CPLX1: variants seen among roughly 807,000 people sequenced by gnomAD.
CPLX1 encodes the protein complexin-1.
A neutral mutation model predicts 15.6 loss-of-function variants in CPLX1; 6 were observed. That is an observed-to-expected ratio of 0.39 (90% CI 0.21 to 0.76). CPLX1 has a LOEUF of 0.76. Ranked by LOEUF, CPLX1 falls within the 30% of genes least tolerant of loss-of-function variation. CPLX1 has a pLI of 0.43. For missense variants in CPLX1, 242 were observed against 188.6 expected, an observed-to-expected ratio of 1.28 and a Z score of -1.66; for synonymous variants, 91 against 75.2, an observed-to-expected ratio of 1.21 and a Z score of -1.08.
In CPLX1 at chr4:792,492, C is replaced by T; in HGVS notation, c.148G>A (p.Ala50Thr). ...ALRQAEEERK[A>T]KYAKMEAERE... ...TCCGCCTCCATCTTGGCGTACTTGG[C>T]CTTGCGCTCCTCCTCCGCCTGGCGC... Residue 50 changes from alanine (A) to threonine (T), a missense_variant, in exon 3 of 4, where the codon GCC becomes ACC. By Grantham distance (58) the Ala-to-Thr change is moderately conservative. Coordinates refer to ENST00000304062, the MANE Select transcript of CPLX1 (RefSeq NM_006651.4). The T allele has an allele frequency of 6.2e-7, 1 of 1,612,894 alleles. No homozygotes were observed. The highest frequency in any genetic ancestry group is 8.5e-7 in the Non-Finnish European group (1 of 1,179,680).
chr4:807,789 T>C (rs572891655), intron 2 of CPLX1, among the ~76,000 whole-genome samples: 1 of 152,196 alleles, frequency 6.6e-6, no homozygotes, highest in East Asian at 1.9e-4. Context: ...TGGCCTTAAA[T>C]TTTTTTTAAA....
intron 2 of CPLX1, among the ~76,000 whole-genome samples, chr4:817,219 G>A (rs960880373): frequency 5.4e-5 from 8 of 149,526 alleles, no homozygotes; most frequent in Non-Finnish European, 1.2e-4. Flanking sequence ...GTTAAGCAAG[G>A]CTCAGCAGGG....
intron 2 of CPLX1, among the ~76,000 whole-genome samples, chr4:795,484 C>T (rs1746306392): frequency 6.6e-6 from 1 of 152,214 alleles, no homozygotes; most frequent in African/African-American, 2.4e-5. Flanking sequence ...CCACGTGGTG[C>T]CTGAGGCTGG....
rs576468681 is a variant in CPLX1, at chr4:788,257, G to A, written c.208-1559C>T. 3.0e-6 allele frequency: 3 copies of A among 985,266 alleles called. No homozygotes were observed. The South Asian group carries it at 1.4e-4, about 46-fold the overall frequency. 61.0% of individuals were successfully genotyped at this position (985,266 alleles called of 1,614,324 possible). A position where few individuals can be genotyped will look rare whatever the true frequency, so the allele number is the denominator to read the frequency against. On this transcript the variant is annotated intron_variant, in intron 3 of 3. Transcript: ENST00000304062. ...CCCCTCCTTCCTCCCAAATGGAGGG[G>A]GGGCTGCCTGTGTGCTCCCCAACCC...
intron 2 of CPLX1, among the ~76,000 whole-genome samples, chr4:803,650 G>A (rs539624866): frequency 2.0e-5 from 3 of 152,100 alleles, no homozygotes; most frequent in South Asian, 4.1e-4. Context: ...CTCTCAAAGC[G>A]CTGGGATTAC....
chr4:804,093 C>T (rs1281878194), intron 2 of CPLX1, among the ~76,000 whole-genome samples: 1 of 152,260 alleles, frequency 6.6e-6, no homozygotes, highest in Non-Finnish European at 1.5e-5. Flanking sequence ...ACCACACGGC[C>T]TGGGCGTGCA....
chr4:814,627 T>C (rs1399382631), intron 2 of CPLX1, among the ~76,000 whole-genome samples: 2 of 152,244 alleles, frequency 1.3e-5, no homozygotes, highest in Non-Finnish European at 2.9e-5. Context: ...ACTTGTTTCC[T>C]ATTGCAGTGG....
intron 2 of CPLX1, among the ~76,000 whole-genome samples, chr4:823,384 C>T (rs6848761): frequency 0.97 from 147,151 of 152,268 alleles, 71,165 homozygotes; most frequent in East Asian, 1. Context: ...GCAGCTCCTG[C>T]CCTGGGGGAA....
At chr4:817,879 T>G (rs1239657676) in intron 2 of CPLX1, among the ~76,000 whole-genome samples, 2 of 152,260 alleles carry the variant, frequency 1.3e-5, no homozygotes, top group Non-Finnish European at 1.5e-5. Flanking sequence ...GTGGGCACGC[T>G]GGACATAGTA....
intron 2 of CPLX1, among the ~76,000 whole-genome samples, chr4:802,908 G>C (rs987650816): frequency 6.7e-6 from 1 of 149,118 alleles, no homozygotes; most frequent in South Asian, 2.1e-4. Context: ...CCGAGACTGC[G>C]CCACTGTACT....
At chr4:804,442 C>A (rs1280985929) in intron 2 of CPLX1, among the ~76,000 whole-genome samples, 1 of 152,058 alleles carries the variant, frequency 6.6e-6, no homozygotes, top group African/African-American at 2.4e-5. Flanking sequence ...GAGGAAAACA[C>A]ACAATAAGTA....
intron 2 of CPLX1, among the ~76,000 whole-genome samples, chr4:811,883 C>A (rs769447812): frequency 5.3e-5 from 8 of 152,116 alleles, no homozygotes; most frequent in Non-Finnish European, 1.2e-4. Flanking sequence ...ACTCAGCTGT[C>A]GGGTGTAGAA....
intron 2 of CPLX1, 164 bp from the exon 3 acceptor site, chr4:792,772 T>G (rs945665242): frequency 8.5e-6 from 6 of 707,250 alleles, no homozygotes; most frequent in African/African-American, 7.3e-5. Context: ...CACCTCCATC[T>G]GGCCCTGACC....
intron 3 of CPLX1, among the ~76,000 whole-genome samples, chr4:790,351 G>A (rs556214321): frequency 1.3e-5 from 2 of 152,262 alleles, no homozygotes; most frequent in South Asian, 4.1e-4. Flanking sequence ...TGGCAGCAAG[G>A]TCCGGCCAGC....
intron 2 of CPLX1, among the ~76,000 whole-genome samples, chr4:816,588 C>A (rs1214956985): frequency 6.6e-6 from 1 of 152,022 alleles, no homozygotes; most frequent in Non-Finnish European, 1.5e-5. Context: ...CAGTGATTTT[C>A]TCATATCACT....
chr4:826,103 G>T lies in CPLX1; in HGVS notation c.-137C>A, dbSNP rs1746985829. The T allele has an allele frequency of 6.9e-6, 1 of 145,958 alleles. No individual in the cohort carries two copies. The highest frequency in any genetic ancestry group is 2.1e-4 in the South Asian group (1 of 4,728). 9.0% of individuals were successfully genotyped at this position (145,958 alleles called of 1,614,324 possible). ...GCGCTCGGGCCGGCTGGGTCCATGT[G>T]GCGCCCGGTGAGCTGCGGCGGCGGC... On this transcript the variant is annotated 5_prime_UTR_variant, in exon 1 of 4. Coordinates refer to ENST00000304062, the MANE Select transcript of CPLX1 (RefSeq NM_006651.4).
At position 785,580 on chromosome 4, in the gene CPLX1, CA is replaced by C. The variant is rs140225932; in HGVS notation, c.*920del. The C allele has an allele frequency of 0.08, 12,222 of 152,546 alleles. 552 individuals are homozygous for C. Among genetic ancestry groups the C allele is most frequent in the South Asian group, 0.14 (700 of 4,830 alleles). 9.4% of individuals were successfully genotyped at this position (152,546 alleles called of 1,614,324 possible). ...CTCGGATGCCGCCCCGCAGGGCCAC[CA>C]GGTGGATTAGGCCACACACGCGCCA... On this transcript the variant is annotated 3_prime_UTR_variant, in exon 4 of 4. Coordinates refer to ENST00000304062, the MANE Select transcript of CPLX1 (RefSeq NM_006651.4).
At chr4:819,444 G>A (rs146867007) in intron 2 of CPLX1, among the ~76,000 whole-genome samples, 2 of 152,364 alleles carry the variant, frequency 1.3e-5, no homozygotes, top group African/African-American at 4.8e-5. Context: ...CAAAGTGAGT[G>A]AGTGCTTTCT....
intron 2 of CPLX1, among the ~76,000 whole-genome samples, chr4:795,805 T>TGGG (rs113411399): frequency 2.1e-5 from 2 of 93,404 alleles, no homozygotes; most frequent in Non-Finnish European, 5.1e-5. Flanking sequence ...GGAGAGGGGG[T>TGGG]GGGGGGGGGG....
Sources: gnomAD v4.1 joint callset for allele counts (sites outside exome capture counted in the v4.1 genomes callset) on GRCh38, gnomAD v4.1.1 for gene constraint, MANE v1.5 for transcripts, NCBI Gene and HGNC (gene_info 2026-07-23, HGNC 2026-07-21) for gene names.